Variants in MEI4 observed in about 807,000 individuals in gnomAD.
The protein encoded by MEI4 is meiotic double-stranded break formation protein 4.
Under a neutral mutation model 31.4 loss-of-function variants are expected in MEI4, and 27 were observed. That is an observed-to-expected ratio of 0.86 (90% CI 0.63 to 1.19). The LOEUF (loss-of-function observed/expected upper bound fraction) is 1.19, where lower values mean the gene tolerates loss of function less well. Among genes scored for constraint, MEI4 ranks in the 50% most tolerant of loss-of-function variants. MEI4 has a pLI of 0.00. For missense variants in MEI4, 329 were observed against 398.9 expected (o/e 0.82, Z 1.49); for synonymous variants, 122 against 145.4 (o/e 0.84, Z 1.16).
At chr6:77,836,124 A>AT (rs975913454) in intron 4 of MEI4, among the ~76,000 whole-genome samples, 1 of 152,090 alleles carries the variant, frequency 6.6e-6, no homozygotes, top group Non-Finnish European at 1.5e-5. Flanking sequence ...CATTGTAAAT[A>AT]TTTTTATATA....
intron 2 of MEI4, among the ~76,000 whole-genome samples, chr6:77,746,400 AC>A (rs1036786397): frequency 6.6e-6 from 1 of 152,006 alleles, no homozygotes; most frequent in African/African-American, 2.4e-5. Context: ...AAAAAAGTTA[AC>A]CCTTCCTTAA....
rs1358928057 is a variant in MEI4, at chr6:77,924,646, C to G, written c.*1300C>G. The G allele has an allele frequency of 6.6e-6, 1 of 151,824 alleles. No homozygotes were observed. The highest frequency in any genetic ancestry group is 1.5e-5 in the Non-Finnish European group (1 of 67,894). 9.4% of individuals were successfully genotyped at this position (151,824 alleles called of 1,614,324 possible). A position where few individuals can be genotyped will look rare whatever the true frequency, so the allele number is the denominator to read the frequency against. On this transcript the variant is annotated 3_prime_UTR_variant, in exon 5 of 5. Coordinates refer to ENST00000684080, the MANE Select transcript of MEI4 (RefSeq NM_001322247.2). ...GCTAAAAGTCAGGCTTTCTTCTCTT[C>G]CACATGTGCATATTCTGAGAACCAG...
rs558542852 is a variant in MEI4 at position 77,729,945 on chromosome 6, G to A, written c.233-31185G>A. Among the ~76,000 whole-genome samples the A allele has an allele frequency of 1.1e-4, 17 of 152,118 alleles. 1 individual carries two copies. The South Asian group carries it at 1.5e-3, about 13-fold the overall frequency. On this transcript the variant is annotated intron_variant, in intron 2 of 4. Transcript: ENST00000684080. ...TGAGTTGCCTAGCAAGGGAGGCTCG[G>A]GAGAACAACTCAGTCTAAAGGTAAC...
At chr6:77,776,151 T>C (rs1292246184) in intron 3 of MEI4, among the ~76,000 whole-genome samples, 1 of 145,112 alleles carries the variant, frequency 6.9e-6, no homozygotes, top group Non-Finnish European at 1.5e-5. Context: ...TTTACTCTGC[T>C]AATTGTTTTT....
intron 2 of MEI4, among the ~76,000 whole-genome samples, chr6:77,714,521 A>G (rs1203878472): frequency 6.6e-6 from 1 of 152,226 alleles, no homozygotes; most frequent in Non-Finnish European, 1.5e-5. Context: ...TGCAGTTCAT[A>G]AACTAGGTAG....
Position 77,734,345 on chromosome 6 carries a change from G to A in MEI4, c.233-26785G>A, listed in dbSNP as rs939138586. 3.9e-5 allele frequency among the ~76,000 whole-genome samples: 6 copies of A among 151,994 alleles called. No individual in the cohort carries two copies. In the East Asian group the frequency reaches 7.7e-4, roughly 20 times the overall value. On this transcript the variant is annotated intron_variant, in intron 2 of 4. Coordinates refer to ENST00000684080, the MANE Select transcript of MEI4 (RefSeq NM_001322247.2). ...GATATATATTTAGGATATATATTTAGGATAGTTAGCTCTTCTTGTTGAATT... is the reference window on the plus strand; with the variant it reads ...GATATATATTTAGGATATATATTTAAGATAGTTAGCTCTTCTTGTTGAATT...
chr6:77,712,295 A>G (rs7751421), intron 2 of MEI4, among the ~76,000 whole-genome samples: 3,458 of 152,292 alleles, frequency 0.023, 135 homozygotes, highest in African/African-American at 0.078. Context: ...TTAATAAACA[A>G]CTTTTCGAAC....
intron 2 of MEI4, among the ~76,000 whole-genome samples, chr6:77,755,170 C>G (rs1298424650): frequency 6.7e-6 from 1 of 149,878 alleles, no homozygotes; most frequent in East Asian, 1.9e-4. Flanking sequence ...ACACAGTGTC[C>G]TGAAAAAAAA....
intron 3 of MEI4, among the ~76,000 whole-genome samples, chr6:77,813,742 A>G (rs1360939149): frequency 6.6e-6 from 1 of 152,080 alleles, no homozygotes; most frequent in African/African-American, 2.4e-5. Flanking sequence ...GATCAAAACT[A>G]CATTTAAAAT....
chr6:77,873,330 G>C (rs139611302), intron 4 of MEI4, among the ~76,000 whole-genome samples: 1 of 152,310 alleles, frequency 6.6e-6, no homozygotes, highest in East Asian at 1.9e-4. Flanking sequence ...TTGTGGTTTT[G>C]ATTGGCATTG....
Position 77,842,587 on chromosome 6 carries a change from T to C in MEI4, c.900+13525T>C, listed in dbSNP as rs567083417. 5.3e-5 allele frequency among the ~76,000 whole-genome samples: 8 copies of C among 152,200 alleles called. No individual in the cohort carries two copies. The South Asian group carries it at 1.7e-3, about 32-fold the overall frequency. ...ATGAAAACAGTAGAAACTGCAGGTG[T>C]TATCCTTTTAATATCTGTAATGATG... is the stretch of plus-strand genomic sequence containing the variant. On this transcript the variant is annotated intron_variant, in intron 4 of 4. Transcript: ENST00000684080.
In MEI4 at chr6:77,733,401, T is replaced by A. The variant is rs556152473; in HGVS notation, c.233-27729T>A. On this transcript the variant is annotated intron_variant, in intron 2 of 4. Coordinates refer to ENST00000684080, the MANE Select transcript of MEI4 (RefSeq NM_001322247.2). ...ATTTATCCATTTCTTCTAGATTTTC[T>A]GGTTTATTTGCGTAGAGGTGTTCGT... Among the ~76,000 whole-genome samples the A allele has an allele frequency of 7.4e-4, 112 of 152,270 alleles. 1 individual carries two copies. In the Middle Eastern group the frequency reaches 0.01, roughly 14 times the overall value.
At chr6:77,663,585 C>G (rs1431868778) in intron 1 of MEI4, among the ~76,000 whole-genome samples, 1 of 152,096 alleles carries the variant, frequency 6.6e-6, no homozygotes, top group Non-Finnish European at 1.5e-5. Flanking sequence ...AGAGTATTGT[C>G]TAAGTTGGCA....
chr6:77,816,831 T>C (rs897999185), intron 3 of MEI4, among the ~76,000 whole-genome samples: 1 of 152,214 alleles, frequency 6.6e-6, no homozygotes, highest in African/African-American at 2.4e-5. Context: ...CTAAAGAACA[T>C]AATTCAGCTT....
rs1771202418 is a variant in MEI4 at position 77,871,879 on chromosome 6, A to G, written c.900+42817A>G. On this transcript the variant is annotated intron_variant, in intron 4 of 4. Transcript: ENST00000684080. ...AAGGACACAAAACACTACTGAAAAT[A>G]ATTGAATAACAGTCCTAGATACCAT... Among the ~76,000 whole-genome samples the G allele has an allele frequency of 2.0e-5, 3 of 152,278 alleles. No homozygotes were observed. The South Asian group carries it at 6.2e-4, about 32-fold the overall frequency.
intron 4 of MEI4, among the ~76,000 whole-genome samples, chr6:77,877,838 TAAAA>T (rs1019451310): frequency 3.5e-5 from 5 of 142,654 alleles, no homozygotes; most frequent in Non-Finnish European, 7.6e-5. Flanking sequence ...AATAAGAAAA[TAAAA>T]AACAATTTAA....
chr6:77,852,599 T>C (rs1318864695), intron 4 of MEI4, among the ~76,000 whole-genome samples: 94 of 133,756 alleles, frequency 7.0e-4, no homozygotes, highest in African/African-American at 1.8e-3. Context: ...TTTTTTTTTG[T>C]CTCACAGTTT....
intron 3 of MEI4, among the ~76,000 whole-genome samples, chr6:77,782,378 A>G (rs2127691528): frequency 6.6e-6 from 1 of 152,284 alleles, no homozygotes; most frequent in South Asian, 2.1e-4. Context: ...CAGCTTTTAA[A>G]GTGACTTTAT....
chr6:77,850,973 A>C lies in MEI4; in HGVS notation c.900+21911A>C, dbSNP rs538153252. ...CGAACAACCCCATCAAAAAGTGGGC[A>C]AAGGATATGAACAGACACTTCTCAA... On this transcript the variant is annotated intron_variant, in intron 4 of 4. Coordinates refer to ENST00000684080, the MANE Select transcript of MEI4 (RefSeq NM_001322247.2). 9.4e-3 allele frequency among the ~76,000 whole-genome samples: 1,427 copies of C among 152,222 alleles called. 18 individuals are homozygous for C. Among genetic ancestry groups the C allele is most frequent in the African/African-American group, 0.032 (1,326 of 41,506 alleles).
Sources: gnomAD v4.1 joint callset for allele counts (sites outside exome capture counted in the v4.1 genomes callset) on GRCh38, gnomAD v4.1.1 for gene constraint, MANE v1.5 for transcripts, NCBI Gene and HGNC (gene_info 2026-07-23, HGNC 2026-07-21) for gene names.